Variants in PBX3 observed in about 807,000 individuals in gnomAD.
The protein encoded by PBX3 is pre-B-cell leukemia transcription factor 3.
A neutral mutation model predicts 48.5 loss-of-function variants in PBX3; 14 were observed. The ratio of observed to expected loss-of-function variants is 0.29; its 90% CI spans 0.19 to 0.45. PBX3 has a LOEUF of 0.45. Among genes scored for constraint, PBX3 ranks in the 20% least tolerant of loss-of-function variants. The pLI, the probability that PBX3 is intolerant of heterozygous loss-of-function variation, is 1.00. For synonymous variants in PBX3, 210 were observed against 200.3 expected (o/e 1.05, Z -0.41); for missense variants, 386 against 546.7 (o/e 0.71, Z 2.93).
intron 5 of PBX3, among the ~76,000 whole-genome samples, chr9:125,945,247 A>T (rs1842042559): frequency 6.6e-6 from 1 of 151,598 alleles, no homozygotes; most frequent in Admixed American, 6.6e-5. Flanking sequence ...AAAAAATAGC[A>T]TGTACTTCCT....
At chr9:125,953,025 A>G (rs1237236665) in intron 5 of PBX3, among the ~76,000 whole-genome samples, 7 of 152,196 alleles carry the variant, frequency 4.6e-5, no homozygotes, top group African/African-American at 1.7e-4. Flanking sequence ...ATGAAAAGAA[A>G]AAAATGCCCT....
At chr9:125,881,615 T>G (rs1339861953) in intron 2 of PBX3, among the ~76,000 whole-genome samples, 4 of 151,850 alleles carry the variant, frequency 2.6e-5, no homozygotes, top group African/African-American at 9.7e-5. Context: ...TTTATTATTA[T>G]TATTTTTAAT....
chr9:125,901,402 G>A (rs1318327572), intron 2 of PBX3, among the ~76,000 whole-genome samples: 7 of 151,686 alleles, frequency 4.6e-5, no homozygotes, highest in Admixed American at 4.6e-4. Flanking sequence ...TTAGTTGATT[G>A]AAAATATATA....
At chr9:125,865,912 T>G (rs1463299036) in intron 2 of PBX3, among the ~76,000 whole-genome samples, 1 of 152,040 alleles carries the variant, frequency 6.6e-6, no homozygotes. Context: ...CAGGACAAAG[T>G]GTGTTATATG....
intron 2 of PBX3, among the ~76,000 whole-genome samples, chr9:125,797,796 G>C (rs369055442): frequency 6.6e-6 from 1 of 151,982 alleles, no homozygotes; most frequent in East Asian, 1.9e-4. Flanking sequence ...TACATATCTG[G>C]GGTCAGGAAA....
At chr9:125,846,703 AT>A (rs1428846337) in intron 2 of PBX3, among the ~76,000 whole-genome samples, 2 of 152,070 alleles carry the variant, frequency 1.3e-5, no homozygotes, top group African/African-American at 4.8e-5. Flanking sequence ...TCACCTGTAA[AT>A]ATTTCATCAT....
intron 4 of PBX3, among the ~76,000 whole-genome samples, chr9:125,934,706 T>G (rs954111000): frequency 6.6e-6 from 1 of 152,102 alleles, no homozygotes; most frequent in Non-Finnish European, 1.5e-5. Context: ...TGCATTTTTT[T>G]TTTCCTAAAC....
intron 2 of PBX3, among the ~76,000 whole-genome samples, chr9:125,841,627 G>A (rs1839292386): frequency 6.6e-6 from 1 of 152,178 alleles, no homozygotes; most frequent in Non-Finnish European, 1.5e-5. Context: ...CTGGAGTATA[G>A]CTCTGCTGGT....
chr9:125,880,152 C>T (rs1840348645), intron 2 of PBX3, among the ~76,000 whole-genome samples: 1 of 152,224 alleles, frequency 6.6e-6, no homozygotes, highest in Admixed American at 6.5e-5. Flanking sequence ...TCAAGCAGTT[C>T]TCCTGCCTCA....
intron 5 of PBX3, among the ~76,000 whole-genome samples, chr9:125,955,907 G>T (rs1460858355): frequency 6.6e-6 from 1 of 152,154 alleles, no homozygotes; most frequent in Non-Finnish European, 1.5e-5. Flanking sequence ...CACAGCACCT[G>T]GTACAGTATT....
At chr9:125,831,392 C>A (rs1838957775) in intron 2 of PBX3, among the ~76,000 whole-genome samples, 1 of 151,872 alleles carries the variant, frequency 6.6e-6, no homozygotes, top group Admixed American at 6.6e-5. Flanking sequence ...GAAAATGGTC[C>A]ACTTGTTATT....
chr9:125,839,002 C>T (rs916859583), intron 2 of PBX3, among the ~76,000 whole-genome samples: 5 of 152,170 alleles, frequency 3.3e-5, no homozygotes, highest in Admixed American at 6.5e-5. Flanking sequence ...GCTTAACACA[C>T]GGAGGGGAAT....
chr9:125,952,686 G>A (rs75685547), intron 5 of PBX3, among the ~76,000 whole-genome samples: 11 of 152,104 alleles, frequency 7.2e-5, no homozygotes, highest in African/African-American at 2.7e-4. Context: ...TTGGTCACTC[G>A]TATAGCTCTG....
chr9:125,941,238 A>G (rs543439560), intron 5 of PBX3, among the ~76,000 whole-genome samples: 1 of 152,340 alleles, frequency 6.6e-6, no homozygotes, highest in South Asian at 2.1e-4. Flanking sequence ...GGGAACAGCA[A>G]GTACGGAGGC....
At chr9:125,796,572 C>T (rs139044622) in intron 2 of PBX3, among the ~76,000 whole-genome samples, 314 of 152,214 alleles carry the variant, frequency 2.1e-3, no homozygotes, top group African/African-American at 7.2e-3. Flanking sequence ...GATATATTGT[C>T]TGCAGTAGGG....
chr9:125,887,828 T>A (rs1840536772), intron 2 of PBX3, among the ~76,000 whole-genome samples: 1 of 152,178 alleles, frequency 6.6e-6, no homozygotes, highest in African/African-American at 2.4e-5. Flanking sequence ...AAGCATAGTG[T>A]CTGGACATAA....
intron 2 of PBX3, among the ~76,000 whole-genome samples, chr9:125,807,285 A>T (rs1197557325): frequency 6.6e-6 from 1 of 152,100 alleles, no homozygotes; most frequent in Non-Finnish European, 1.5e-5. Context: ...GTGAGCTGAG[A>T]TTGCACCACT....
intron 2 of PBX3, among the ~76,000 whole-genome samples, chr9:125,755,900 TTG>T (rs1836506101): frequency 1.3e-5 from 2 of 152,066 alleles, no homozygotes; most frequent in South Asian, 4.1e-4. Context: ...ACTAAAATTT[TTG>T]TGTCACCTAG....
intron 2 of PBX3, among the ~76,000 whole-genome samples, chr9:125,793,366 A>ATATATATATATATATATATAT (rs1554855766): frequency 7.6e-4 from 77 of 101,892 alleles, no homozygotes; most frequent in Non-Finnish European, 9.7e-4. Context: ...GGAAAAAAAA[A>ATATATATATATATATATATAT]ATATATATAT....
Sources: gnomAD v4.1 joint callset for allele counts (sites outside exome capture counted in the v4.1 genomes callset) on GRCh38, gnomAD v4.1.1 for gene constraint, MANE v1.5 for transcripts, NCBI Gene and HGNC (gene_info 2026-07-23, HGNC 2026-07-21) for gene names.